Variants in NUFIP1 observed in about 807,000 individuals in gnomAD.
NUFIP1 encodes nuclear FMR1 interacting protein 1.
Under a neutral mutation model 56.2 loss-of-function variants are expected in NUFIP1, and 38 were observed. The ratio of observed to expected loss-of-function variants is 0.68; its 90% CI spans 0.52 to 0.89. The LOEUF (loss-of-function observed/expected upper bound fraction) is 0.89. NUFIP1 is among the 40% of genes least tolerant of loss of function. NUFIP1 has a pLI of 0.00. For synonymous variants in NUFIP1, 215 were observed against 212.4 expected (o/e 1.01, Z -0.10); for missense variants, 567 against 605.8 (o/e 0.94, Z 0.67).
At chr13:44,972,416 G>C (rs921804534) in intron 5 of NUFIP1, among the ~76,000 whole-genome samples, 1 of 152,178 alleles carries the variant, frequency 6.6e-6, no homozygotes, top group Non-Finnish European at 1.5e-5. Flanking sequence ...GCCACATACT[G>C]TATGATTCCA....
At chr13:44,968,359 G>A (rs965964349) in intron 5 of NUFIP1, among the ~76,000 whole-genome samples, 5 of 151,158 alleles carry the variant, frequency 3.3e-5, no homozygotes, top group African/African-American at 9.7e-5. Context: ...ATAATCTCAG[G>A]GCACTGTGTC....
chr13:44,950,308 T>A (rs17066368), intron 7 of NUFIP1, among the ~76,000 whole-genome samples: 5,288 of 152,298 alleles, frequency 0.035, 128 homozygotes, highest in East Asian at 0.12. Flanking sequence ...ATTCAAAGCA[T>A]TCTATAGGCT....
At position 44,963,798 on chromosome 13, in the gene NUFIP1, TTG is replaced by T. The variant is rs565366444; in HGVS notation, c.827+2044_827+2045del. On this transcript the variant is annotated intron_variant, in intron 6 of 9. Transcript: ENST00000379161. ...GGATTTTTGTCTCTCTGCTCAAGAGTTGTGTTTCAAAATTTTCACTTTACATA... is the reference window on the plus strand; with the variant it reads ...GGATTTTTGTCTCTCTGCTCAAGAGTTGTTTCAAAATTTTCACTTTACATA... 9.2e-5 allele frequency among the ~76,000 whole-genome samples: 14 copies of T among 152,272 alleles called. 1 individual carries two copies. The South Asian group carries it at 2.7e-3, about 29-fold the overall frequency.
intron 6 of NUFIP1, 100 bp downstream of exon 6, chr13:44,965,744 A>G (rs1175391): frequency 0.089 from 43,121 of 485,958 alleles, 3,502 homozygotes; most frequent in African/African-American, 0.31. Flanking sequence ...CTTTTTAAGT[A>G]AATAAGTTAC....
rs371450407 is a variant in NUFIP1 at position 44,979,957 on chromosome 13, G to A, written c.595-5C>T. The A allele has an allele frequency of 4.4e-6, 7 of 1,591,224 alleles. No individual in the cohort carries two copies. Among genetic ancestry groups the A allele is most frequent in the African/African-American group, 1.4e-5 (1 of 73,422 alleles). On this transcript the variant is annotated splice_region_variant and splice_polypyrimidine_tract_variant and intron_variant, in intron 3 of 9. Transcript: ENST00000379161. The stretch of plus-strand genomic sequence containing the variant: ...AGAGCAATCTAATTCAGGGCACTAT[G>A]AGTTTTTAAAAGAAAAAAAAAACTA...
At chr13:44,983,550 A>G (rs919077268) in intron 1 of NUFIP1, among the ~76,000 whole-genome samples, 4 of 152,006 alleles carry the variant, frequency 2.6e-5, no homozygotes, top group African/African-American at 9.7e-5. Flanking sequence ...TAATTCCAAC[A>G]CTTTGGGAGG....
At chr13:44,949,199 A>ATTTTTTTTTTTT (rs11421255) in intron 8 of NUFIP1, among the ~76,000 whole-genome samples, 11 of 112,648 alleles carry the variant, frequency 9.8e-5, no homozygotes, top group African/African-American at 2.5e-4. Context: ...ATTATATTGT[A>ATTTTTTTTTTTT]TTTTTTTTTT....
At chr13:44,962,667 T>G (rs1442290198) in intron 6 of NUFIP1, among the ~76,000 whole-genome samples, 1 of 152,242 alleles carries the variant, frequency 6.6e-6, no homozygotes, top group Non-Finnish European at 1.5e-5. Context: ...ATGTCTACAG[T>G]AATGTATAGC....
intron 7 of NUFIP1, among the ~76,000 whole-genome samples, chr13:44,957,042 A>C (rs1871269962): frequency 6.6e-6 from 1 of 152,078 alleles, no homozygotes; most frequent in South Asian, 2.1e-4. Flanking sequence ...AAAATTAATA[A>C]ATTTTTAAAT....
intron 5 of NUFIP1, among the ~76,000 whole-genome samples, chr13:44,974,226 T>G (rs1049014714): frequency 1.3e-5 from 2 of 152,132 alleles, no homozygotes; most frequent in Non-Finnish European, 2.9e-5. Flanking sequence ...ACATTTCAAT[T>G]GTGTGGTTTT....
At position 44,959,518 on chromosome 13, in the gene NUFIP1, T is replaced by C; in HGVS notation, c.884A>G (p.Lys295Arg). 2 of 1,614,114 alleles carry C rather than the reference T, an allele frequency of 1.2e-6. No individual in the cohort carries two copies. Among genetic ancestry groups the C allele is most frequent in the Non-Finnish European group, 1.7e-6 (2 of 1,180,012 alleles). ...SQMAKIRSPG[K>R]NHKWKNDNSR... ...ATTGTCGTTTTTCCATTTGTGATTC[T>C]TGCCAGGACTTCTGATCTTTGCCAT... Residue 295 changes from lysine (K) to arginine (R), a missense_variant, in exon 7 of 10, where the codon AAG (lysine) becomes AGG (arginine). Physicochemically the swap from Lys to Arg is conservative, Grantham distance 26 (BLOSUM62 2). Coordinates refer to ENST00000379161, the MANE Select transcript of NUFIP1 (RefSeq NM_012345.3).
At chr13:44,984,636 T>C (rs758750360) in intron 1 of NUFIP1, among the ~76,000 whole-genome samples, 24 of 152,136 alleles carry the variant, frequency 1.6e-4, no homozygotes, top group Non-Finnish European at 3.2e-4. Context: ...CAAGAGACTC[T>C]ATTTAAAAAA....
intron 5 of NUFIP1, among the ~76,000 whole-genome samples, chr13:44,977,395 C>G (rs1228874459): frequency 6.6e-6 from 1 of 152,230 alleles, no homozygotes; most frequent in Non-Finnish European, 1.5e-5. Context: ...GAGTAGAAAT[C>G]AACTACGTCA....
rs74068017 is a variant in NUFIP1 at position 44,970,312 on chromosome 13, C to T, written c.735-4376G>A. Reference sequence around the variant, plus strand: ...ACTCGGTACCCCTGAGTCTGACTAACCTGAAAAATACAGAGATGTAGAAGT... The same window carrying T: ...ACTCGGTACCCCTGAGTCTGACTAATCTGAAAAATACAGAGATGTAGAAGT... On this transcript the variant is annotated intron_variant, in intron 5 of 9. Coordinates refer to ENST00000379161, the MANE Select transcript of NUFIP1 (RefSeq NM_012345.3). Among the ~76,000 whole-genome samples, 518 of 152,166 alleles carry T rather than the reference C, an allele frequency of 3.4e-3. 3 individuals carry two copies. The highest frequency in any genetic ancestry group is 0.012 in the African/African-American group (495 of 41,496).
chr13:44,984,966 T>G (rs2137928192), intron 1 of NUFIP1, among the ~76,000 whole-genome samples: 1 of 152,322 alleles, frequency 6.6e-6, no homozygotes, highest in Non-Finnish European at 1.5e-5. Flanking sequence ...GGTGTTTGGT[T>G]TTCTGTCCTT....
intron 6 of NUFIP1, among the ~76,000 whole-genome samples, chr13:44,961,442 A>G (rs915765879): frequency 6.6e-6 from 1 of 152,244 alleles, no homozygotes; most frequent in Admixed American, 6.5e-5. Context: ...ACAGAGCAAG[A>G]TAACACATTA....
chr13:44,966,125 A>G (rs1334198915), intron 5 of NUFIP1, among the ~76,000 whole-genome samples, 189 bp from the exon 6 acceptor site: 1 of 152,228 alleles, frequency 6.6e-6, no homozygotes, highest in Non-Finnish European at 1.5e-5. Flanking sequence ...AGTGTGGACC[A>G]CCTGCTAATC....
chr13:44,973,884 T>C (rs1871885159), intron 5 of NUFIP1, among the ~76,000 whole-genome samples: 1 of 152,090 alleles, frequency 6.6e-6, no homozygotes, highest in African/African-American at 2.4e-5. Context: ...ATATGATAAA[T>C]AACAAGTTTG....
chr13:44,941,893 T>C (rs1490772689), intron 9 of NUFIP1, among the ~76,000 whole-genome samples: 2 of 151,338 alleles, frequency 1.3e-5, no homozygotes, highest in Non-Finnish European at 2.9e-5. Flanking sequence ...GACAGGAAAA[T>C]AGGTTTAAAC....
Sources: gnomAD v4.1 joint callset for allele counts (sites outside exome capture counted in the v4.1 genomes callset) on GRCh38, gnomAD v4.1.1 for gene constraint, MANE v1.5 for transcripts, NCBI Gene and HGNC (gene_info 2026-07-23, HGNC 2026-07-21) for gene names.